Variants in OR2AG2 observed in about 807,000 individuals in gnomAD.
The protein encoded by OR2AG2 is olfactory receptor 2AG2.
For missense variants in OR2AG2, 390 were observed against 391.9 expected (o/e 1.00, Z 0.04); for synonymous variants, 167 against 157.1 (o/e 1.06, Z -0.47).
rs1220447173 is a variant in OR2AG2, at chr11:6,769,238, A to G, written c.-281T>C. 1 of 347,346 alleles carries G rather than the reference A, an allele frequency of 2.9e-6. No homozygotes were observed. The highest frequency in any genetic ancestry group is 5.2e-6 in the Non-Finnish European group (1 of 192,494). The allele number at this position is 347,346 out of a possible 1,614,324, so 21.5% of individuals were successfully genotyped here. On this transcript the variant is annotated 5_prime_UTR_variant, in exon 2 of 2. Coordinates refer to ENST00000641124, the MANE Select transcript of OR2AG2 (RefSeq NM_001004490.2). ...TATCCTGAAGAATAAGCCCAAGCAA[A>G]CATCTTTGTAGATAGATGAAAGCAT... is the stretch of plus-strand genomic sequence containing the variant.
rs1219205271 is a variant in OR2AG2, at chr11:6,768,201, C to T, written c.757G>A (p.Gly253Arg). ...AAGACATACATGAATGTGGCAGCTC[C>T]ATAGAACATCCCGACCACAATCAGG... Reference protein sequence around the residue: ...SHLIVVGMFYGAATFMYVLPS... With the variant: ...SHLIVVGMFYRAATFMYVLPS... The change falls in exon 2 of 2, where the codon GGA (glycine) becomes AGA (arginine). Residue 253 changes from glycine to arginine, a missense_variant. Physicochemically the swap from Gly to Arg is moderately radical, Grantham distance 125. Transcript: ENST00000641124. The T allele has an allele frequency of 6.2e-7, 1 of 1,614,152 alleles. No homozygotes were observed. Among genetic ancestry groups the T allele is most frequent in the East Asian group, 2.2e-5 (1 of 44,886 alleles).
Position 6,771,807 on chromosome 11 carries a change from C to T in OR2AG2, c.-723G>A, listed in dbSNP as rs1249664074. ...GGAAGTAGAGATAGATGCAGACAGG[C>T]AGCTGAGAACCTAGGGCAGGATCCT... On this transcript the variant is annotated 5_prime_UTR_variant, in exon 1 of 2. Transcript: ENST00000641124. The T allele has an allele frequency of 6.6e-6, 1 of 152,260 alleles. No individual in the cohort carries two copies. Among genetic ancestry groups the T allele is most frequent in the Non-Finnish European group, 1.5e-5 (1 of 68,084 alleles). 9.4% of individuals were successfully genotyped at this position (152,260 alleles called of 1,614,324 possible).
rs1847388731 is a variant in OR2AG2, at chr11:6,767,563, A to G, written c.*444T>C. 6.2e-6 allele frequency: 1 copy of G among 160,420 alleles called. No homozygotes were observed. Among genetic ancestry groups the G allele is most frequent in the South Asian group, 2.0e-4 (1 of 5,106 alleles). The allele number at this position is 160,420 out of a possible 1,614,324, so 9.9% of individuals were successfully genotyped here. A position where few individuals can be genotyped will look rare whatever the true frequency, so the allele number is the denominator to read the frequency against. On this transcript the variant is annotated 3_prime_UTR_variant, in exon 2 of 2. Coordinates refer to ENST00000641124, the MANE Select transcript of OR2AG2 (RefSeq NM_001004490.2). ...TCTTCCCTCTATTAGTAGTTTAAGA[A>G]TCTGCTTCAAAGGGAGTAGTCCTCC...
chr11:6,766,053 T>C lies in OR2AG2; in HGVS notation c.*1954A>G, dbSNP rs1847371083. 6.6e-6 allele frequency: 1 copy of C among 152,176 alleles called. No homozygotes were observed. The highest frequency in any genetic ancestry group is 1.5e-5 in the Non-Finnish European group (1 of 68,014). 9.4% of individuals were successfully genotyped at this position (152,176 alleles called of 1,614,324 possible). A position where few individuals can be genotyped will look rare whatever the true frequency, so the allele number is the denominator to read the frequency against. The stretch of plus-strand genomic sequence containing the variant: ...TTTTAAAAAGGCTTTTTACTATTTA[T>C]CCATATAGCAGCCAAAATGTTTTAA... On this transcript the variant is annotated 3_prime_UTR_variant, in exon 2 of 2. Transcript: ENST00000641124.
chr11:6,765,645 G>A lies in OR2AG2; in HGVS notation c.*2362C>T, dbSNP rs909295275. The A allele has an allele frequency of 6.6e-6, 1 of 152,084 alleles. No homozygotes were observed. The highest frequency in any genetic ancestry group is 2.4e-5 in the African/African-American group (1 of 41,442). 9.4% of individuals were successfully genotyped at this position (152,084 alleles called of 1,614,324 possible). ...TCTCATTTATATGCAGAACCTGTAA[G>A]CTGAATTTACAGAAACAGAGAGTAA... On this transcript the variant is annotated 3_prime_UTR_variant, in exon 2 of 2. Transcript: ENST00000641124.
chr11:6,769,300 G>C lies in OR2AG2; in HGVS notation c.-343C>G, dbSNP rs1482923937. ...CAATGAACAAATATACTGGGGATTG[G>C]TTTAAGATCTAGCTATTTTTCTGCT... On this transcript the variant is annotated 5_prime_UTR_variant, in exon 2 of 2. Coordinates refer to ENST00000641124, the MANE Select transcript of OR2AG2 (RefSeq NM_001004490.2). 4.9e-6 allele frequency: 1 copy of C among 204,184 alleles called. No individual in the cohort carries two copies. Among genetic ancestry groups the C allele is most frequent in the Non-Finnish European group, 9.8e-6 (1 of 101,708 alleles). The allele number at this position is 204,184 out of a possible 1,614,324, so 12.6% of individuals were successfully genotyped here. A position where few individuals can be genotyped will look rare whatever the true frequency, so the allele number is the denominator to read the frequency against.
Position 6,768,683 on chromosome 11 carries a change from A to G in OR2AG2, c.275T>C (p.Ile92Thr), listed in dbSNP as rs201216782. The G allele has an allele frequency of 4.8e-5, 78 of 1,613,982 alleles. No homozygotes were observed. Among genetic ancestry groups the G allele is most frequent in the Non-Finnish European group, 6.0e-5 (71 of 1,180,020 alleles). The change falls in exon 2 of 2, where the codon ATC (isoleucine) becomes ACC (threonine). Residue 92 changes from isoleucine to threonine, a missense_variant. By Grantham distance (89) the Ile-to-Thr change is moderately conservative. Transcript: ENST00000641124. ...LADFLRRENT[I>T]SFGGCALQMF... ...CTGAAGTGCACAGCCTCCAAAGGAG[A>G]TAGTGTTTTCTCTGCGCAGAAAGTC...
chr11:6,768,791 T>C lies in OR2AG2; in HGVS notation c.167A>G (p.His56Arg), dbSNP rs754042242. 3.8e-5 allele frequency: 61 copies of C among 1,613,996 alleles called. 1 individual carries two copies. In the South Asian group the frequency reaches 6.6e-4, roughly 17 times the overall value. Residue 56 changes from histidine (H) to arginine (R), a missense_variant, in exon 2 of 2, where the codon CAC becomes CGC. Physicochemically the swap from His to Arg is conservative, Grantham distance 29. Coordinates refer to ENST00000641124, the MANE Select transcript of OR2AG2 (RefSeq NM_001004490.2). ...CCCAAGCAGGAGGTACATGGGCATG[T>C]GGAGCCGGGCTTCTATGGTGATGGC... The part of the protein sequence containing the change: ...LLAITIEARL[H>R]MPMYLLLGQL...
chr11:6,770,079 A>G (rs1847433168), intron 1 of OR2AG2, among the ~76,000 whole-genome samples: 1 of 152,184 alleles, frequency 6.6e-6, no homozygotes, highest in Admixed American at 6.5e-5. Context: ...GTCAACTCAG[A>G]GTTAGAACCT....
Position 6,768,576 on chromosome 11 carries a change from G to A in OR2AG2, c.382C>T (p.His128Tyr). 1 of 1,614,130 alleles carries A rather than the reference G, an allele frequency of 6.2e-7. No homozygotes were observed. Among genetic ancestry groups the A allele is most frequent in the Middle Eastern group, 1.6e-4 (1 of 6,062 alleles). ...ATGAGGGTCATGTATTTCAGAGGAT[G>A]ACAAATGGCCACATACCTGTCATAG... is the stretch of plus-strand genomic sequence containing the variant. ...MAYDRYVAIC[H>Y]PLKYMTLMSP... The change falls in exon 2 of 2, where the codon CAT (histidine) becomes TAT (tyrosine). Residue 128 changes from histidine (H) to tyrosine (Y), a missense_variant. Coordinates refer to ENST00000641124, the MANE Select transcript of OR2AG2 (RefSeq NM_001004490.2).
In OR2AG2 at chr11:6,768,797, C is replaced by G. The variant is rs10839616; in HGVS notation, c.161G>C (p.Arg54Pro). Reference protein sequence around the residue: ...LLLLAITIEARLHMPMYLLLG... With the variant: ...LLLLAITIEAPLHMPMYLLLG... The stretch of plus-strand genomic sequence containing the variant: ...CAGGAGGTACATGGGCATGTGGAGC[C>G]GGGCTTCTATGGTGATGGCCAGGAG... Residue 54 changes from arginine to proline, a missense_variant, in exon 2 of 2, where the codon CGG becomes CCG. Physicochemically the swap from Arg to Pro is moderately radical, Grantham distance 103. Coordinates refer to ENST00000641124, the MANE Select transcript of OR2AG2 (RefSeq NM_001004490.2). 376,293 of 1,613,742 alleles carry G rather than the reference C, an allele frequency of 0.23. 46,736 individuals are homozygous for G. The highest frequency in any genetic ancestry group is 0.4 in the South Asian group (36,327 of 91,054).
Position 6,769,271 on chromosome 11 carries a change from T to C in OR2AG2, c.-314A>G. 3.8e-6 allele frequency: 1 copy of C among 263,698 alleles called. No homozygotes were observed. 16.3% of individuals were successfully genotyped at this position (263,698 alleles called of 1,614,324 possible). ...GTAGATAGATGAAAGCATCTCTTTC[T>C]TCACAATGAACAAATATACTGGGGA... is the stretch of plus-strand genomic sequence containing the variant. On this transcript the variant is annotated 5_prime_UTR_variant, in exon 2 of 2. Coordinates refer to ENST00000641124, the MANE Select transcript of OR2AG2 (RefSeq NM_001004490.2).
In OR2AG2 at chr11:6,765,653, T is replaced by C. The variant is rs1847366148; in HGVS notation, c.*2354A>G. 1 of 152,130 alleles carries C rather than the reference T, an allele frequency of 6.6e-6. No individual in the cohort carries two copies. Among genetic ancestry groups the C allele is most frequent in the Admixed American group, 6.5e-5 (1 of 15,276 alleles). The allele number at this position is 152,130 out of a possible 1,614,324, so 9.4% of individuals were successfully genotyped here. A position where few individuals can be genotyped will look rare whatever the true frequency, so the allele number is the denominator to read the frequency against. The stretch of plus-strand genomic sequence containing the variant: ...ATATGCAGAACCTGTAAGCTGAATT[T>C]ACAGAAACAGAGAGTAAAATGGTGG... On this transcript the variant is annotated 3_prime_UTR_variant, in exon 2 of 2. Transcript: ENST00000641124.
rs1847403782 is a variant in OR2AG2, at chr11:6,768,368, A to G, written c.590T>C (p.Leu197Pro). 14 of 1,614,012 alleles carry G rather than the reference A, an allele frequency of 8.7e-6. No homozygotes were observed. The South Asian group carries it at 1.2e-4, about 14-fold the overall frequency. The change falls in exon 2 of 2, where the codon CTT becomes CCT. Residue 197 changes from leucine to proline, a missense_variant. Leu to Pro is a moderately conservative substitution (Grantham distance 98). Coordinates refer to ENST00000641124, the MANE Select transcript of OR2AG2 (RefSeq NM_001004490.2). ...AGTCACACCTGTCACGTATATTATA[A>G]GCTCATACCTGGAGGTATCAGCACA... ...LACADTSRYE[L>P]IIYVTGVTFL...
In OR2AG2 at chr11:6,765,862, G is replaced by A. The variant is rs1470487345; in HGVS notation, c.*2145C>T. 2.0e-5 allele frequency: 3 copies of A among 152,050 alleles called. No individual in the cohort carries two copies. Among genetic ancestry groups the A allele is most frequent in the Non-Finnish European group, 4.4e-5 (3 of 67,962 alleles). The allele number at this position is 152,050 out of a possible 1,614,324, so 9.4% of individuals were successfully genotyped here. A position where few individuals can be genotyped will look rare whatever the true frequency, so the allele number is the denominator to read the frequency against. On this transcript the variant is annotated 3_prime_UTR_variant, in exon 2 of 2. Coordinates refer to ENST00000641124, the MANE Select transcript of OR2AG2 (RefSeq NM_001004490.2). Reference sequence around the variant, plus strand: ...TTTTAACTTTTCCTAATGCAAAAAAGATAAGTATGTGGAGTAAAGCATATG... The same window carrying A: ...TTTTAACTTTTCCTAATGCAAAAAAAATAAGTATGTGGAGTAAAGCATATG...
At position 6,768,031 on chromosome 11, in the gene OR2AG2, T is replaced by C. The variant is rs1194844593; in HGVS notation, c.927A>G (p.Ile309Met). Reference sequence around the variant, plus strand: ...CCTAGAGCGTGGAATGTGCCAGCAGTATGTATTTTCCCAGGACCCTCCTCA... The same window carrying C: ...CCTAGAGCGTGGAATGTGCCAGCAGCATGTATTTTCCCAGGACCCTCCTCA... Reference protein sequence around the residue: ...RALRRVLGKYILLAHSTL With the variant: ...RALRRVLGKYMLLAHSTL The change falls in exon 2 of 2, where the codon ATA becomes ATG. Residue 309 changes from isoleucine to methionine, a missense_variant. Transcript: ENST00000641124. 1.2e-5 allele frequency: 20 copies of C among 1,613,482 alleles called. No individual in the cohort carries two copies. Among genetic ancestry groups the C allele is most frequent in the Middle Eastern group, 1.6e-4 (1 of 6,080 alleles).
rs570189225 is a variant in OR2AG2 at position 6,768,308 on chromosome 11, G to A, written c.650C>T (p.Ser217Phe). 9.3e-6 allele frequency: 15 copies of A among 1,613,944 alleles called. No homozygotes were observed. The highest frequency in any genetic ancestry group is 1.3e-5 in the African/African-American group (1 of 74,910). ...CACAGTGAATAGGACTAGTGTGTAG[G>A]AGGCCACAATGGCAGAAATGGGGAG... is the stretch of plus-strand genomic sequence containing the variant. ...LLLPISAIVA[S>F]YTLVLFTVLR... is the part of the protein sequence containing the mutation. The change falls in exon 2 of 2, where the codon TCC becomes TTC. Residue 217 changes from serine to phenylalanine, a missense_variant. By Grantham distance (155) the Ser-to-Phe change is radical (BLOSUM62 -2). Transcript: ENST00000641124.
Position 6,768,533 on chromosome 11 carries a change from C to A in OR2AG2, c.425G>T (p.Trp142Leu). Residue 142 changes from tryptophan to leucine, a missense_variant, in exon 2 of 2, where the codon TGG (tryptophan) becomes TTG (leucine). Physicochemically the swap from Trp to Leu is moderately conservative, Grantham distance 61 (BLOSUM62 -2). Transcript: ENST00000641124. ...YMTLMSPRVC[W>L]IMVATSWILA... ...GATCCAGGATGTGGCCACCATGATC[C>A]AGCAGACTCTTGGGCTCATGAGGGT... 4 of 1,614,068 alleles carry A rather than the reference C, an allele frequency of 2.5e-6. No individual in the cohort carries two copies. Among genetic ancestry groups the A allele is most frequent in the Non-Finnish European group, 3.4e-6 (4 of 1,180,014 alleles).
At position 6,768,727 on chromosome 11, in the gene OR2AG2, G is replaced by T; in HGVS notation, c.231C>A (p.Val77=). The T allele has an allele frequency of 6.2e-7, 1 of 1,614,158 alleles. No homozygotes were observed. Among genetic ancestry groups the T allele is most frequent in the Non-Finnish European group, 8.5e-7 (1 of 1,180,020 alleles). Residue 77 remains valine, a synonymous_variant, in exon 2 of 2, where the codon GTC becomes GTA. Transcript: ENST00000641124. Reference sequence around the variant, plus strand: ...GAAAGTCCGCAAGGGCCTTGGGAGTGACAACAGATGTGAACAGGAGGTCCA... The same window carrying T: ...GAAAGTCCGCAAGGGCCTTGGGAGTTACAACAGATGTGAACAGGAGGTCCA... The part of the protein sequence containing the change: ...SLMDLLFTSV[V]TPKALADFLR...
Sources: gnomAD v4.1 joint callset for allele counts (sites outside exome capture counted in the v4.1 genomes callset) on GRCh38, gnomAD v4.1.1 for gene constraint, MANE v1.5 for transcripts, NCBI Gene and HGNC (gene_info 2026-07-23, HGNC 2026-07-21) for gene names.